The following EEIG2 variants were observed in gnomAD, a reference collection of about 807,000 sequenced individuals.
EEIG2 encodes the protein EEIG family member 2.
the EEIG2 span, chr1:108,628,711 C>T: frequency 1.9e-6 from 3 of 1,612,964 alleles, no homozygotes; most frequent in Non-Finnish European, 2.5e-6. Flanking sequence ...AGAATCTCAG[C>T]TGAAGCGAGT....
At chr1:108,591,330 CA>C in the EEIG2 span, among the ~76,000 whole-genome samples, 2 of 151,826 alleles carry the variant, frequency 1.3e-5, no homozygotes, top group East Asian at 1.9e-4. Flanking sequence ...TTATCACACA[CA>C]AAAAAAATCT....
the EEIG2 span, among the ~76,000 whole-genome samples, chr1:108,621,159 A>G: frequency 6.6e-6 from 1 of 152,230 alleles, no homozygotes; most frequent in Admixed American, 6.5e-5. Flanking sequence ...CATTACTATA[A>G]AGCAATCAAA....
At chr1:108,632,808 A>AT in the EEIG2 span, among the ~76,000 whole-genome samples, 16 of 151,706 alleles carry the variant, frequency 1.1e-4, no homozygotes, top group African/African-American at 1.9e-4. Context: ...ACCAAATGGA[A>AT]TTTTTTTTTC....
the EEIG2 span, among the ~76,000 whole-genome samples, chr1:108,606,812 C>T: frequency 6.6e-6 from 1 of 152,066 alleles, no homozygotes; most frequent in African/African-American, 2.4e-5. Context: ...CTTTTTTTTC[C>T]CCTAATTTTT....
the EEIG2 span, among the ~76,000 whole-genome samples, chr1:108,575,177 G>A: frequency 2.0e-5 from 3 of 152,144 alleles, no homozygotes; most frequent in African/African-American, 7.2e-5. Flanking sequence ...TGTTGCTATA[G>A]CACTCTTTAT....
the EEIG2 span, among the ~76,000 whole-genome samples, chr1:108,595,555 GA>G: frequency 7.6e-6 from 1 of 132,120 alleles, no homozygotes; most frequent in Non-Finnish European, 1.6e-5. Context: ...TTTACGGAGG[GA>G]GAGAGGGAGA....
chr1:108,617,968 T>C, the EEIG2 span, among the ~76,000 whole-genome samples: 1 of 152,084 alleles, frequency 6.6e-6, no homozygotes, highest in Admixed American at 6.6e-5. Context: ...CTTTTGAGCA[T>C]GGGTTAAAGA....
At chr1:108,565,208 T>C in the EEIG2 span, among the ~76,000 whole-genome samples, 16 of 152,332 alleles carry the variant, frequency 1.1e-4, no homozygotes, top group African/African-American at 3.8e-4. Flanking sequence ...AATACAGTCA[T>C]GTATCAGTTA....
the EEIG2 span, chr1:108,636,534 T>C: frequency 2.0e-5 from 3 of 152,322 alleles, no homozygotes; most frequent in South Asian, 6.2e-4. Flanking sequence ...GAATAGTTAA[T>C]ATTAGAACTT....
chr1:108,624,692 C>T, the EEIG2 span: 25 of 1,613,988 alleles, frequency 1.5e-5, no homozygotes, highest in Non-Finnish European at 2.0e-5. Context: ...GAATCTGAAT[C>T]TTTGCAAGAA....
At chr1:108,576,758 C>A in the EEIG2 span, among the ~76,000 whole-genome samples, 11 of 149,884 alleles carry the variant, frequency 7.3e-5, no homozygotes, top group East Asian at 2.2e-3. Flanking sequence ...AATAAACATA[C>A]GTGTGCATGT....
the EEIG2 span, among the ~76,000 whole-genome samples, chr1:108,576,098 C>T: frequency 5.3e-5 from 8 of 152,192 alleles, no homozygotes; most frequent in African/African-American, 1.7e-4. Context: ...CCGCTCACCT[C>T]AGCCTCCCAA....
chr1:108,560,578 C>T, the EEIG2 span: 1 of 1,607,324 alleles, frequency 6.2e-7, no homozygotes, highest in Non-Finnish European at 8.5e-7. Flanking sequence ...AACTCGCCTC[C>T]CGCGCCGCCT....
the EEIG2 span, among the ~76,000 whole-genome samples, chr1:108,592,711 A>T: frequency 6.6e-6 from 1 of 152,230 alleles, no homozygotes; most frequent in Non-Finnish European, 1.5e-5. Context: ...GGACTCTGGG[A>T]TGGACCACCT....
chr1:108,633,280 G>A, the EEIG2 span, among the ~76,000 whole-genome samples: 11 of 151,972 alleles, frequency 7.2e-5, no homozygotes, highest in Non-Finnish European at 1.6e-4. Flanking sequence ...GATGACTTAT[G>A]TAACATTTTT....
the EEIG2 span, chr1:108,612,371 G>T: frequency 1.0e-6 from 1 of 961,788 alleles, no homozygotes; most frequent in Admixed American, 2.2e-5. Flanking sequence ...TATTGTCAAG[G>T]ACAAGATGTG....
At chr1:108,561,884 A>AC in the EEIG2 span, among the ~76,000 whole-genome samples, 20 of 152,072 alleles carry the variant, frequency 1.3e-4, no homozygotes, top group Admixed American at 1.3e-3. Flanking sequence ...GCAGGGTGCC[A>AC]CCCCCGACGC....
chr1:108,566,957 T>G, the EEIG2 span, among the ~76,000 whole-genome samples: 2 of 152,258 alleles, frequency 1.3e-5, no homozygotes, highest in African/African-American at 4.8e-5. Context: ...TTAATAATAA[T>G]GTATTATACT....
chr1:108,633,695 T>C, the EEIG2 span, among the ~76,000 whole-genome samples: 2 of 152,244 alleles, frequency 1.3e-5, no homozygotes, highest in Non-Finnish European at 2.9e-5. Flanking sequence ...ACTTTGGCTA[T>C]GATGTGCCTT....
Sources: allele counts gnomAD v4.1 joint callset (sites outside exome capture counted in the v4.1 genomes callset), GRCh38; gene constraint gnomAD v4.1.1; transcripts MANE v1.5; gene names NCBI Gene and HGNC (gene_info 2026-07-23, HGNC 2026-07-21).